Variants in PCDHGA10 observed in about 807,000 individuals in gnomAD.
PCDHGA10 encodes protocadherin gamma-A10.
In PCDHGA10, 42 loss-of-function variants were observed where a neutral mutation model predicts 59.5. The ratio of observed to expected loss-of-function variants is 0.71; its 90% confidence interval spans 0.55 to 0.91. PCDHGA10 has a LOEUF of 0.91. Ranked by LOEUF, PCDHGA10 falls within the 40% of genes least tolerant of loss-of-function variation. The pLI, the probability that PCDHGA10 is intolerant of heterozygous loss-of-function variation, is 0.00. For missense variants in PCDHGA10, 1,111 were observed against 1,198.2 expected (o/e 0.93, Z 1.07); for synonymous variants, 511 against 517.2 (o/e 0.99, Z 0.16).
intron 1 of PCDHGA10, among the ~76,000 whole-genome samples, chr5:141,492,090 C>T (rs751238997): frequency 1.4e-4 from 21 of 152,258 alleles, no homozygotes; most frequent in Admixed American, 6.5e-5. Flanking sequence ...GCACGCTTCG[C>T]CGGTCTGTAG....
intron 1 of PCDHGA10, among the ~76,000 whole-genome samples, chr5:141,449,978 T>A (rs1025332419): frequency 6.6e-6 from 1 of 151,030 alleles, no homozygotes; most frequent in Non-Finnish European, 1.5e-5. Context: ...GTCCAAAATA[T>A]CACACATTGC....
chr5:141,422,807 G>C (rs199507728), intron 1 of PCDHGA10: 7 of 1,614,198 alleles, frequency 4.3e-6, no homozygotes, highest in Non-Finnish European at 5.9e-6. Context: ...GAGCAGTTTC[G>C]AGACTTAGAA....
Position 141,476,140 on chromosome 5 carries a change from C to G in PCDHGA10, c.2437-18667C>G. On this transcript the variant is annotated intron_variant, in intron 1 of 3. Coordinates refer to ENST00000398610, the MANE Select transcript of PCDHGA10 (RefSeq NM_018913.3). This position sits in a 1 kb window ranked among gnomAD's most constrained non-coding sequence, Gnocchi z 7.6. ...AGATGGTCCCAGAGGCCTGGAGGAGCGGACTGGTAAGCACCGGGAGGGTAG... is the reference window on the plus strand; with the variant it reads ...AGATGGTCCCAGAGGCCTGGAGGAGGGGACTGGTAAGCACCGGGAGGGTAG... The G allele has an allele frequency of 2.5e-6, 4 of 1,609,222 alleles. No individual in the cohort carries two copies. Among genetic ancestry groups the G allele is most frequent in the Non-Finnish European group, 1.7e-6 (2 of 1,178,484 alleles).
chr5:141,507,661 C>T (rs1328943034), intron 3 of PCDHGA10, among the ~76,000 whole-genome samples: 1 of 152,236 alleles, frequency 6.6e-6, no homozygotes, highest in Non-Finnish European at 1.5e-5. Context: ...GCTTTTTAGC[C>T]TAAATCCAGA....
At chr5:141,451,597 C>CAAGG (rs1434393705) in intron 1 of PCDHGA10, among the ~76,000 whole-genome samples, 3 of 152,076 alleles carry the variant, frequency 2.0e-5, no homozygotes, top group Non-Finnish European at 2.9e-5. Flanking sequence ...AAGTGACATA[C>CAAGG]AAGGCTAGGC....
chr5:141,455,690 C>A (rs1209152869), intron 1 of PCDHGA10, among the ~76,000 whole-genome samples: 1 of 152,064 alleles, frequency 6.6e-6, no homozygotes, highest in East Asian at 1.9e-4. Context: ...CTGTGGGAAT[C>A]GCCAAGTTGA....
chr5:141,490,151 T>C lies in PCDHGA10; in HGVS notation c.2437-4656T>C, dbSNP rs1449636059. The stretch of plus-strand genomic sequence containing the variant: ...GACCCTAGCAGTGGGGCAATCCATG[T>C]GTTGGGTCCCATAGACTTTGAGGAG... On this transcript the variant is annotated intron_variant, in intron 1 of 3. Transcript: ENST00000398610. The surrounding 1 kb of genome is among the most constrained non-coding windows in gnomAD (Gnocchi z 5.4). 4 of 1,614,210 alleles carry C rather than the reference T, an allele frequency of 2.5e-6. No homozygotes were observed. The highest frequency in any genetic ancestry group is 3.4e-6 in the Non-Finnish European group (4 of 1,180,018).
chr5:141,508,935 A>T (rs180987868), intron 3 of PCDHGA10, among the ~76,000 whole-genome samples: 2 of 152,118 alleles, frequency 1.3e-5, no homozygotes, highest in Non-Finnish European at 2.9e-5. Context: ...GGAGTTAATT[A>T]GGGAAAACAG....
chr5:141,504,380 C>T (rs943816582), intron 2 of PCDHGA10, among the ~76,000 whole-genome samples: 1 of 152,088 alleles, frequency 6.6e-6, no homozygotes, highest in African/African-American at 2.4e-5. Flanking sequence ...GGTGGAGTCG[C>T]TGCCTCACAG....
chr5:141,443,207 C>T (rs907169095), intron 1 of PCDHGA10, among the ~76,000 whole-genome samples: 5 of 152,064 alleles, frequency 3.3e-5, no homozygotes, highest in African/African-American at 1.2e-4. Context: ...AAGAGCTTGT[C>T]TCGCCAGGCG....
chr5:141,444,561 GA>G (rs778707459), intron 1 of PCDHGA10, among the ~76,000 whole-genome samples: 17 of 152,098 alleles, frequency 1.1e-4, no homozygotes, highest in Non-Finnish European at 2.1e-4. Context: ...GCACTTATTT[GA>G]CACTTTTGAC....
chr5:141,490,120 G>A lies in PCDHGA10; in HGVS notation c.2437-4687G>A. On this transcript the variant is annotated intron_variant, in intron 1 of 3. Coordinates refer to ENST00000398610, the MANE Select transcript of PCDHGA10 (RefSeq NM_018913.3). This position sits in a 1 kb window ranked among gnomAD's most constrained non-coding sequence, Gnocchi z 5.4. ...ATCTGAGGCAGTGCGGAACCTCTTT[G>A]GCCTAGACCCTAGCAGTGGGGCAAT... 6.2e-7 allele frequency: 1 copy of A among 1,614,224 alleles called. No homozygotes were observed. Among genetic ancestry groups the A allele is most frequent in the East Asian group, 2.2e-5 (1 of 44,888 alleles).
At chr5:141,510,658 A>G (rs1162885805) in intron 3 of PCDHGA10, among the ~76,000 whole-genome samples, 1 of 152,178 alleles carries the variant, frequency 6.6e-6, no homozygotes, top group African/African-American at 2.4e-5. Context: ...CATTTTGCAG[A>G]TGAGAAAACT....
intron 1 of PCDHGA10, among the ~76,000 whole-genome samples, chr5:141,458,101 G>C (rs530847477): frequency 3.3e-5 from 5 of 152,200 alleles, no homozygotes; most frequent in Non-Finnish European, 7.4e-5. Flanking sequence ...AGTACTTACA[G>C]ATAGTCTCCA....
chr5:141,444,184 T>TG, intron 1 of PCDHGA10, among the ~76,000 whole-genome samples: 1 of 138,886 alleles, frequency 7.2e-6, no homozygotes, highest in South Asian at 2.4e-4. Flanking sequence ...TTTTTTTTTT[T>TG]TTTTGAGATG....
In PCDHGA10 at chr5:141,509,341, G is replaced by C. The variant is rs552337350; in HGVS notation, c.2585-1606G>C. Among the ~76,000 whole-genome samples, 4 of 152,290 alleles carry C rather than the reference G, an allele frequency of 2.6e-5. No homozygotes were observed. The East Asian group carries it at 7.7e-4, about 29-fold the overall frequency. On this transcript the variant is annotated intron_variant, in intron 3 of 3. Transcript: ENST00000398610. ...GAAGCTCTACTGCCAGCTGGGCCTG[G>C]GCTGGCCTGGGCATCCCTGAGGTTT...
At chr5:141,478,452 C>T (rs763187393) in intron 1 of PCDHGA10, 1 of 1,613,598 alleles carries the variant, frequency 6.2e-7, no homozygotes, top group Admixed American at 1.7e-5. Context: ...CCTGGTGCAG[C>T]CAGTCCACTG....
chr5:141,432,061 G>T lies in PCDHGA10; in HGVS notation c.2436+16450G>T. On this transcript the variant is annotated intron_variant, in intron 1 of 3. Coordinates refer to ENST00000398610, the MANE Select transcript of PCDHGA10 (RefSeq NM_018913.3). The surrounding 1 kb of genome is among the most constrained non-coding windows in gnomAD (Gnocchi z 6.0). ...ACCGGGGAACCCCGCCCCTATCCAC[G>T]GAAACTCATATCTCGCTGAACGTGG... 1.9e-6 allele frequency: 3 copies of T among 1,614,130 alleles called. No homozygotes were observed. The highest frequency in any genetic ancestry group is 2.5e-6 in the Non-Finnish European group (3 of 1,180,034).
At chr5:141,429,801 C>T (rs2097245893) in intron 1 of PCDHGA10, among the ~76,000 whole-genome samples, 1 of 152,104 alleles carries the variant, frequency 6.6e-6, no homozygotes, top group African/African-American at 2.4e-5. Flanking sequence ...CAGTAATTCT[C>T]AGTAATTACA....
Sources: allele counts gnomAD v4.1 joint callset (sites outside exome capture counted in the v4.1 genomes callset), GRCh38; gene constraint gnomAD v4.1.1; non-coding constraint Gnocchi (gnomAD v3.1); transcripts MANE v1.5; gene names NCBI Gene and HGNC (gene_info 2026-07-23, HGNC 2026-07-21).